GSE1: variants seen among roughly 807,000 people sequenced by gnomAD.
The protein encoded by GSE1 is genetic suppressor element 1.
Under a neutral mutation model 112.6 loss-of-function variants are expected in GSE1, and 32 were observed. That is an observed-to-expected ratio of 0.28 (90% CI 0.21 to 0.38). The LOEUF (loss-of-function observed/expected upper bound fraction) is 0.38, where lower values mean the gene tolerates loss of function less well. GSE1 is among the 10% of genes least tolerant of loss of function. The probability of loss-of-function intolerance (pLI) is 1.00; values close to 1 mark genes in which losing one functional copy is unlikely to be tolerated. For missense variants in GSE1, 2,348 were observed against 1,699.2 expected (o/e 1.38, Z -6.71); for synonymous variants, 1,115 against 735.6 (o/e 1.52, Z -8.35).
chr16:85,348,983 G>C (rs1333091473), intron 1 of GSE1, among the ~76,000 whole-genome samples: 1 of 151,936 alleles, frequency 6.6e-6, no homozygotes, highest in Non-Finnish European at 1.5e-5. Context: ...CCCCAGCCGG[G>C]AGCGCTGCAG....
intron 2 of GSE1, among the ~76,000 whole-genome samples, chr16:85,634,402 G>A (rs1413631989): frequency 6.6e-6 from 1 of 152,204 alleles, no homozygotes; most frequent in African/African-American, 2.4e-5. Flanking sequence ...ATGTAGCGAG[G>A]TGCTCCTACC....
rs1237278280 is a variant in GSE1 at position 85,675,102 on chromosome 16, A to C, written c.*2563A>C. On this transcript the variant is annotated 3_prime_UTR_variant, in exon 16 of 16. Transcript: ENST00000253458. ...TACTTTCAGATTATTCTCAAAGAAC[A>C]CAGTAGCACCTAAATCTGTTTTCAA... 1.3e-5 allele frequency: 2 copies of C among 152,254 alleles called. No homozygotes were observed. The highest frequency in any genetic ancestry group is 2.4e-5 in the African/African-American group (1 of 41,464). 9.4% of individuals were successfully genotyped at this position (152,254 alleles called of 1,614,324 possible). A position where few individuals can be genotyped will look rare whatever the true frequency, so the allele number is the denominator to read the frequency against.
At chr16:85,257,749 A>C (rs762270802) in intron 1 of GSE1, among the ~76,000 whole-genome samples, 3 of 152,234 alleles carry the variant, frequency 2.0e-5, no homozygotes, top group Non-Finnish European at 4.4e-5. Flanking sequence ...CCTTTGAGTG[A>C]GGCTGTAGTG....
At chr16:85,208,403 G>T (rs2075158450) in intron 1 of GSE1, among the ~76,000 whole-genome samples, 2 of 152,174 alleles carry the variant, frequency 1.3e-5, no homozygotes, top group South Asian at 4.1e-4. Flanking sequence ...GTGCCTGCCT[G>T]GGGCTCGAGG....
rs191648098 is a variant in GSE1 at position 85,527,234 on chromosome 16, G to A, written c.2465-106680G>A. ...TGTCTCCCCACTGGTCCGTGGGCGC[G>A]CAGGGGCTGGCTCCGGCCTCGCCCA... On this transcript the variant is annotated intron_variant, in intron 2 of 2. Transcript: ENST00000637419. 9.3e-4 allele frequency among the ~76,000 whole-genome samples: 142 copies of A among 152,366 alleles called. 2 individuals carry two copies. The highest frequency in any genetic ancestry group is 2.6e-4 in the Non-Finnish European group (18 of 68,036).
At chr16:85,259,855 G>A (rs1907487308) in intron 1 of GSE1, among the ~76,000 whole-genome samples, 2 of 152,172 alleles carry the variant, frequency 1.3e-5, no homozygotes, top group South Asian at 4.2e-4. Context: ...GGTGGCCTCC[G>A]TGCCAGCATC....
At chr16:85,501,179 T>G (rs2051354769) in intron 2 of GSE1, among the ~76,000 whole-genome samples, 1 of 151,608 alleles carries the variant, frequency 6.6e-6, no homozygotes, top group African/African-American at 2.4e-5. Context: ...TTTTTGTACT[T>G]TTTTAGTAGA....
intron 1 of GSE1, among the ~76,000 whole-genome samples, chr16:85,203,503 G>A (rs898790941): frequency 2.0e-5 from 3 of 152,168 alleles, no homozygotes; most frequent in Non-Finnish European, 4.4e-5. Flanking sequence ...TCGCTCTTTC[G>A]TGGGAAGCCA....
At chr16:85,200,184 C>T (rs1330964489) in intron 1 of GSE1, among the ~76,000 whole-genome samples, 1 of 152,138 alleles carries the variant, frequency 6.6e-6, no homozygotes, top group East Asian at 1.9e-4. Context: ...ATTTTTATCA[C>T]ATAATACACA....
At chr16:85,385,126 G>A (rs1484462210) in intron 2 of GSE1, among the ~76,000 whole-genome samples, 2 of 152,242 alleles carry the variant, frequency 1.3e-5, no homozygotes, top group Non-Finnish European at 2.9e-5. Flanking sequence ...GAAGCCCTTT[G>A]TGCCACCCTG....
At chr16:85,562,563 C>G (rs377002299) in intron 1 of GSE1, among the ~76,000 whole-genome samples, 79 of 152,360 alleles carry the variant, frequency 5.2e-4, no homozygotes, top group Non-Finnish European at 9.6e-4. Flanking sequence ...GCGTGTCCTT[C>G]TACGCAGGGG....
At chr16:85,622,059 T>C (rs776075811) in intron 1 of GSE1, among the ~76,000 whole-genome samples, 12 of 152,180 alleles carry the variant, frequency 7.9e-5, no homozygotes, top group Non-Finnish European at 1.5e-4. Context: ...TGTGTGTGCA[T>C]GTTGAGAATT....
chr16:85,561,905 T>C (rs2151290012), intron 1 of GSE1, among the ~76,000 whole-genome samples: 1 of 152,266 alleles, frequency 6.6e-6, no homozygotes, highest in South Asian at 2.1e-4. Context: ...CAGGCCCACC[T>C]GGGTTGGGGG....
intron 2 of GSE1, among the ~76,000 whole-genome samples, chr16:85,471,450 A>G (rs1296096583): frequency 1.3e-5 from 2 of 152,284 alleles, no homozygotes; most frequent in South Asian, 2.1e-4. Flanking sequence ...GTCTCACTCC[A>G]TCACCCAGGC....
At chr16:85,196,904 C>G (rs2074938204) in intron 1 of GSE1, among the ~76,000 whole-genome samples, 1 of 152,006 alleles carries the variant, frequency 6.6e-6, no homozygotes, top group Non-Finnish European at 1.5e-5. Context: ...GGTTTCTCCC[C>G]TGTGAATATG....
At chr16:85,516,427 C>G (rs986110095) in intron 2 of GSE1, among the ~76,000 whole-genome samples, 4 of 132,582 alleles carry the variant, frequency 3.0e-5, no homozygotes, top group African/African-American at 1.2e-4. Flanking sequence ...GGAGATCAGC[C>G]TGGGCTGCAT....
chr16:85,638,347 C>G (rs1294194170), intron 2 of GSE1, among the ~76,000 whole-genome samples: 2 of 152,200 alleles, frequency 1.3e-5, no homozygotes. Context: ...CACCCGCCCA[C>G]CAGCGCGGGC....
At chr16:85,520,970 C>T (rs2052163678) in intron 2 of GSE1, among the ~76,000 whole-genome samples, 1 of 152,158 alleles carries the variant, frequency 6.6e-6, no homozygotes, top group Admixed American at 6.5e-5. Flanking sequence ...GGCAGACAGA[C>T]CGGTCCAACA....
At chr16:85,329,840 G>A (rs1372030444) in intron 1 of GSE1, among the ~76,000 whole-genome samples, 2 of 140,006 alleles carry the variant, frequency 1.4e-5, no homozygotes, top group East Asian at 4.7e-4. Context: ...GGAGGGGAGG[G>A]AATGTGTGGG....
Sources: gnomAD v4.1 joint callset for allele counts (sites outside exome capture counted in the v4.1 genomes callset) on GRCh38, gnomAD v4.1.1 for gene constraint, MANE v1.5 for transcripts, NCBI Gene and HGNC (gene_info 2026-07-23, HGNC 2026-07-21) for gene names.